Variants in MRGPRE observed in about 807,000 individuals in gnomAD.
MRGPRE encodes the protein MAS related GPR family member E.
For missense variants in MRGPRE, 466 were observed against 433.4 expected (o/e 1.08, Z -0.67); for synonymous variants, 229 against 206.7 (o/e 1.11, Z -0.92).
rs770107975 is a variant in MRGPRE at position 3,228,631 on chromosome 11, G to A, written c.169C>T (p.Pro57Ser). ...ACGTCCAGGAGGTAGATGGCGAAGGGGTTTCTGTAGACATTGGAGCTGAGC... is the reference window on the plus strand; with the variant it reads ...ACGTCCAGGAGGTAGATGGCGAAGGAGTTTCTGTAGACATTGGAGCTGAGC... ...WLLSSNVYRN[P>S]FAIYLLDVAC... The change falls in exon 2 of 2, where the codon CCC (proline) becomes TCC (serine). Residue 57 changes from proline to serine, a missense_variant. By Grantham distance (74) the Pro-to-Ser change is moderately conservative. Transcript: ENST00000389832. 6.2e-7 allele frequency: 1 copy of A among 1,614,150 alleles called. No homozygotes were observed. Among genetic ancestry groups the A allele is most frequent in the Non-Finnish European group, 8.5e-7 (1 of 1,180,018 alleles).
Position 3,231,483 on chromosome 11 carries a change from C to G in MRGPRE, c.-62+658G>C. ...CAGAGCTCTGTAGGAAGGGTCGCCA[C>G]AGTTGGGTTACAGGACTGTGGGGAG... On this transcript the variant is annotated intron_variant, in intron 1 of 1. Transcript: ENST00000389832. The surrounding 1 kb of genome is among the most constrained non-coding windows in gnomAD (Gnocchi z 4.7). 6.6e-6 allele frequency among the ~76,000 whole-genome samples: 1 copy of G among 151,456 alleles called. No individual in the cohort carries two copies.
chr11:3,228,565 C>A lies in MRGPRE; in HGVS notation c.235G>T (p.Ala79Ser). Residue 79 changes from alanine to serine, a missense_variant, in exon 2 of 2, where the codon GCC becomes TCC. Transcript: ENST00000389832. ...DLIFLGCHMV[A>S]IVPDLLQGRL... ...CCTTGCAGCAAGTCGGGGACGATGG[C>A]CACCATGTGGCAGCCAAGGAAGATG... 3 of 1,613,560 alleles carry A rather than the reference C, an allele frequency of 1.9e-6. No individual in the cohort carries two copies. The highest frequency in any genetic ancestry group is 1.7e-6 in the Non-Finnish European group (2 of 1,179,670).
chr11:3,228,216 G>A lies in MRGPRE; in HGVS notation c.584C>T (p.Ala195Val), dbSNP rs1284696566. 1.9e-5 allele frequency: 29 copies of A among 1,556,214 alleles called. No individual in the cohort carries two copies. The highest frequency in any genetic ancestry group is 2.4e-5 in the Non-Finnish European group (28 of 1,150,838). ...CACCCGCAGCAGCAGCATAAGGCTG[G>A]CCCCACACATGGTGCAACACAGCAG... ...LALLCCTMCG[A>V]SLMLLLRVER... Residue 195 changes from alanine (A) to valine (V), a missense_variant, in exon 2 of 2, where the codon GCC (alanine) becomes GTC (valine). Ala to Val is a moderately conservative substitution (Grantham distance 64, BLOSUM62 0). Coordinates refer to ENST00000389832, the MANE Select transcript of MRGPRE (RefSeq NM_001039165.4).
rs1222433397 is a variant in MRGPRE, at chr11:3,228,031, T to A, written c.769A>T (p.Met257Leu). The A allele has an allele frequency of 6.2e-7, 1 of 1,608,748 alleles. No individual in the cohort carries two copies. Among genetic ancestry groups the A allele is most frequent in the African/African-American group, 1.3e-5 (1 of 74,944 alleles). Reference sequence around the variant, plus strand: ...TTGGCCGCGCAGTGCACGGCGGCCATGAGGAAGCTGAAGTGGTAGAAGTAG... The same window carrying A: ...TTGGCCGCGCAGTGCACGGCGGCCAAGAGGAAGCTGAAGTGGTAGAAGTAG... The part of the protein sequence containing the change: ...PHYFYHFSFL[M>L]AAVHCAAKPV... The change falls in exon 2 of 2, where the codon ATG (methionine) becomes TTG (leucine). Residue 257 changes from methionine (M) to leucine (L), a missense_variant. Physicochemically the swap from Met to Leu is conservative, Grantham distance 15 (BLOSUM62 2). Coordinates refer to ENST00000389832, the MANE Select transcript of MRGPRE (RefSeq NM_001039165.4).
chr11:3,229,871 A>T lies in MRGPRE; in HGVS notation c.-61-1011T>A, dbSNP rs1264265933. Reference sequence around the variant, plus strand: ...CATGGGGAGAAGAGGGAGCTGTCTGATGATGGGGCTGGGAGGGGCCCTGAG... The same window carrying T: ...CATGGGGAGAAGAGGGAGCTGTCTGTTGATGGGGCTGGGAGGGGCCCTGAG... On this transcript the variant is annotated intron_variant, in intron 1 of 1. Coordinates refer to ENST00000389832, the MANE Select transcript of MRGPRE (RefSeq NM_001039165.4). This position sits in a 1 kb window ranked among gnomAD's most constrained non-coding sequence, Gnocchi z 4.4. Among the ~76,000 whole-genome samples the T allele has an allele frequency of 1.3e-5, 2 of 152,256 alleles. No homozygotes were observed. The highest frequency in any genetic ancestry group is 4.8e-5 in the African/African-American group (2 of 41,562).
In MRGPRE at chr11:3,225,655, G is replaced by A. The variant is rs1165186132; in HGVS notation, c.*2206C>T. ...CTGAGGGCTCAAGGACCACAGAACT[G>A]GAGGCCAAGCTGGCACATCTGGGGC... is the stretch of plus-strand genomic sequence containing the variant. On this transcript the variant is annotated 3_prime_UTR_variant, in exon 2 of 2. Coordinates refer to ENST00000389832, the MANE Select transcript of MRGPRE (RefSeq NM_001039165.4). Among the ~76,000 whole-genome samples, 4 of 152,210 alleles carry A rather than the reference G, an allele frequency of 2.6e-5. No individual in the cohort carries two copies. Among genetic ancestry groups the A allele is most frequent in the Non-Finnish European group, 5.9e-5 (4 of 68,034 alleles).
At position 3,228,351 on chromosome 11, in the gene MRGPRE, A is replaced by G. The variant is rs1171898946; in HGVS notation, c.449T>C (p.Leu150Pro). The G allele has an allele frequency of 6.3e-7, 1 of 1,574,960 alleles. No homozygotes were observed. The stretch of plus-strand genomic sequence containing the variant: ...GAGCAGCAGGTGCAGCAGCAGGCAG[A>G]GGGCCCAGGTGAGGGCGCACACACA... Reference protein sequence around the residue: ...TTCVCALTWALCLLLHLLLSG... With the variant: ...TTCVCALTWAPCLLLHLLLSG... The change falls in exon 2 of 2, where the codon CTC (leucine) becomes CCC (proline). Residue 150 changes from leucine to proline, a missense_variant. Physicochemically the swap from Leu to Pro is moderately conservative, Grantham distance 98 (BLOSUM62 -3). Coordinates refer to ENST00000389832, the MANE Select transcript of MRGPRE (RefSeq NM_001039165.4).
At position 3,227,246 on chromosome 11, in the gene MRGPRE, T is replaced by A. The variant is rs968544902; in HGVS notation, c.*615A>T. Among the ~76,000 whole-genome samples the A allele has an allele frequency of 2.3e-4, 35 of 152,140 alleles. No homozygotes were observed. The highest frequency in any genetic ancestry group is 3.7e-4 in the Non-Finnish European group (25 of 68,020). ...CCCATGGGGCCGGCTTTTCTGAAGC[T>A]CCGAGTGAGGGTTGCATCGTCCCGG... On this transcript the variant is annotated 3_prime_UTR_variant, in exon 2 of 2. Coordinates refer to ENST00000389832, the MANE Select transcript of MRGPRE (RefSeq NM_001039165.4).
Position 3,228,027 on chromosome 11 carries a change from G to T in MRGPRE, c.773C>A (p.Ala258Asp), listed in dbSNP as rs772050778. 6.2e-7 allele frequency: 1 copy of T among 1,608,642 alleles called. No individual in the cohort carries two copies. Among genetic ancestry groups the T allele is most frequent in the Non-Finnish European group, 8.5e-7 (1 of 1,177,810 alleles). Residue 258 changes from alanine to aspartate, a missense_variant, in exon 2 of 2, where the codon GCC becomes GAC. Physicochemically the swap from Ala to Asp is moderately radical, Grantham distance 126. Transcript: ENST00000389832. ...HYFYHFSFLM[A>D]AVHCAAKPVV... is the part of the protein sequence containing the mutation. ...GGGCTTGGCCGCGCAGTGCACGGCG[G>T]CCATGAGGAAGCTGAAGTGGTAGAA...
Position 3,229,340 on chromosome 11 carries a change from C to G in MRGPRE, c.-61-480G>C, listed in dbSNP as rs1210390599. Among the ~76,000 whole-genome samples, 6 of 150,334 alleles carry G rather than the reference C, an allele frequency of 4.0e-5. No individual in the cohort carries two copies. In the South Asian group the frequency reaches 1.0e-3, roughly 26 times the overall value. On this transcript the variant is annotated intron_variant, in intron 1 of 1. Coordinates refer to ENST00000389832, the MANE Select transcript of MRGPRE (RefSeq NM_001039165.4). The surrounding 1 kb of genome is among the most constrained non-coding windows in gnomAD (Gnocchi z 4.4). ...TCCCGGGTTCAAGTGATTCTCCTGTCTCAGCCTCCCGAAGAGCTGGGATTA... is the reference window on the plus strand; with the variant it reads ...TCCCGGGTTCAAGTGATTCTCCTGTGTCAGCCTCCCGAAGAGCTGGGATTA...
In MRGPRE at chr11:3,231,249, C is replaced by T. The variant is rs137925122; in HGVS notation, c.-62+892G>A. Among the ~76,000 whole-genome samples the T allele has an allele frequency of 2.6e-3, 396 of 151,700 alleles. 1 individual carries two copies. Among genetic ancestry groups the T allele is most frequent in the Middle Eastern group, 6.8e-3 (2 of 294 alleles). The stretch of plus-strand genomic sequence containing the variant: ...CCAGGGAGAGAGCATGGCAGGGAAG[C>T]GATGGACATAGAGGGAGAGGGGAGA... On this transcript the variant is annotated intron_variant, in intron 1 of 1. Coordinates refer to ENST00000389832, the MANE Select transcript of MRGPRE (RefSeq NM_001039165.4). This position sits in a 1 kb window ranked among gnomAD's most constrained non-coding sequence, Gnocchi z 4.7.
Position 3,228,739 on chromosome 11 carries a change from C to T in MRGPRE, c.61G>A (p.Val21Met), listed in dbSNP as rs1161924631. 44 of 1,613,564 alleles carry T rather than the reference C, an allele frequency of 2.7e-5. No homozygotes were observed. Among genetic ancestry groups the T allele is most frequent in the Non-Finnish European group, 3.6e-5 (42 of 1,179,898 alleles). Residue 21 changes from valine to methionine, a missense_variant, in exon 2 of 2, where the codon GTG becomes ATG. Val to Met is a conservative substitution (Grantham distance 21). Transcript: ENST00000389832. ...GACAGGATGATGAGGTTGAAGGCCACATCCTCCTGGGCGCCGTTGGCGGCC... is the reference window on the plus strand; with the variant it reads ...GACAGGATGATGAGGTTGAAGGCCATATCCTCCTGGGCGCCGTTGGCGGCC... ...VGAANGAQED[V>M]AFNLIILSLT...
chr11:3,227,869 C>G lies in MRGPRE; in HGVS notation c.931G>C (p.Ala311Pro). Residue 311 changes from alanine (A) to proline (P), a missense_variant, in exon 2 of 2, where the codon GCA becomes CCA. Transcript: ENST00000389832. ...ETSRRGLVDI[A>P]A ...GTCGGGGGCCCCAGGGCTCAGGCTG[C>G]TATGTCCACCAGGCCCCGGCGGGAG... 6.9e-7 allele frequency: 1 copy of G among 1,449,220 alleles called. No homozygotes were observed. 89.8% of individuals were successfully genotyped at this position (1,449,220 alleles called of 1,614,324 possible).
chr11:3,230,440 G>C lies in MRGPRE; in HGVS notation c.-61-1580C>G, dbSNP rs956016563. 2.0e-5 allele frequency among the ~76,000 whole-genome samples: 3 copies of C among 152,216 alleles called. No homozygotes were observed. Among genetic ancestry groups the C allele is most frequent in the Admixed American group, 1.3e-4 (2 of 15,284 alleles). On this transcript the variant is annotated intron_variant, in intron 1 of 1. Transcript: ENST00000389832. The surrounding 1 kb of genome is among the most constrained non-coding windows in gnomAD (Gnocchi z 5.5). Reference sequence around the variant, plus strand: ...TCCCTCCAGTGATAGGAGCACCCGAGACCATGCAGGGGGACGCTGCGGTGC... The same window carrying C: ...TCCCTCCAGTGATAGGAGCACCCGACACCATGCAGGGGGACGCTGCGGTGC...
chr11:3,231,217 G>T lies in MRGPRE; in HGVS notation c.-62+924C>A, dbSNP rs921574577. ...GCTGAGGAGGACACGGGCCTCATGGGTGGGCCCCAGGGAGAGAGCATGGCA... is the reference window on the plus strand; with the variant it reads ...GCTGAGGAGGACACGGGCCTCATGGTTGGGCCCCAGGGAGAGAGCATGGCA... On this transcript the variant is annotated intron_variant, in intron 1 of 1. Transcript: ENST00000389832. This position sits in a 1 kb window ranked among gnomAD's most constrained non-coding sequence, Gnocchi z 4.7. Among the ~76,000 whole-genome samples, 2 of 152,168 alleles carry T rather than the reference G, an allele frequency of 1.3e-5. No homozygotes were observed. Among genetic ancestry groups the T allele is most frequent in the African/African-American group, 4.8e-5 (2 of 41,446 alleles).
Position 3,230,070 on chromosome 11 carries a change from T to C in MRGPRE, c.-61-1210A>G, listed in dbSNP as rs1214818869. 6.6e-6 allele frequency among the ~76,000 whole-genome samples: 1 copy of C among 152,130 alleles called. No individual in the cohort carries two copies. Among genetic ancestry groups the C allele is most frequent in the East Asian group, 1.9e-4 (1 of 5,194 alleles). On this transcript the variant is annotated intron_variant, in intron 1 of 1. Coordinates refer to ENST00000389832, the MANE Select transcript of MRGPRE (RefSeq NM_001039165.4). The surrounding 1 kb of genome is among the most constrained non-coding windows in gnomAD (Gnocchi z 5.5). ...CAGAAATACAGCAAGTAATAGACTC[T>C]AGGAGACTGCCAGGTGCTCAGAGCC...
Position 3,228,318 on chromosome 11 carries a change from G to A in MRGPRE, c.482C>T (p.Ala161Val), listed in dbSNP as rs765754766. 1 of 1,557,026 alleles carries A rather than the reference G, an allele frequency of 6.4e-7. No individual in the cohort carries two copies. Among genetic ancestry groups the A allele is most frequent in the Non-Finnish European group, 8.7e-7 (1 of 1,153,934 alleles). Reference sequence around the variant, plus strand: ...GGGCTCCCCGAAGAACTGGGTGCAGGCGCCGCTGAGCAGCAGGTGCAGCAG... The same window carrying A: ...GGGCTCCCCGAAGAACTGGGTGCAGACGCCGCTGAGCAGCAGGTGCAGCAG... Reference protein sequence around the residue: ...CLLLHLLLSGACTQFFGEPSR... With the variant: ...CLLLHLLLSGVCTQFFGEPSR... The change falls in exon 2 of 2, where the codon GCC becomes GTC. Residue 161 changes from alanine to valine, a missense_variant. Ala to Val is a moderately conservative substitution (Grantham distance 64). Transcript: ENST00000389832.
rs1393526313 is a variant in MRGPRE, at chr11:3,230,675, C to T, written c.-62+1466G>A. ...CTCAGTGGAGAGGAGGCCCCAGTCC[C>T]AGCACCTCAGGAAGCTGAGTCCTGC... On this transcript the variant is annotated intron_variant, in intron 1 of 1. Coordinates refer to ENST00000389832, the MANE Select transcript of MRGPRE (RefSeq NM_001039165.4). This position sits in a 1 kb window ranked among gnomAD's most constrained non-coding sequence, Gnocchi z 5.5. Among the ~76,000 whole-genome samples, 1 of 152,138 alleles carries T rather than the reference C, an allele frequency of 6.6e-6. No homozygotes were observed. The highest frequency in any genetic ancestry group is 1.9e-4 in the East Asian group (1 of 5,170).
Position 3,230,504 on chromosome 11 carries a change from G to A in MRGPRE, c.-62+1637C>T, listed in dbSNP as rs907941303. Among the ~76,000 whole-genome samples the A allele has an allele frequency of 3.9e-5, 6 of 152,126 alleles. No homozygotes were observed. The highest frequency in any genetic ancestry group is 2.1e-4 in the South Asian group (1 of 4,826). ...AGAGGTGGCCCGGGGCGGGGCTATC[G>A]CTGAGCACAGAGGTGCCAGCCACCC... On this transcript the variant is annotated intron_variant, in intron 1 of 1. Coordinates refer to ENST00000389832, the MANE Select transcript of MRGPRE (RefSeq NM_001039165.4). The surrounding 1 kb of genome is among the most constrained non-coding windows in gnomAD (Gnocchi z 5.5).
Sources: gnomAD v4.1 joint callset for allele counts (sites outside exome capture counted in the v4.1 genomes callset) on GRCh38, gnomAD v4.1.1 for gene constraint, Gnocchi (gnomAD v3.1) non-coding constraint, MANE v1.5 for transcripts, NCBI Gene and HGNC (gene_info 2026-07-23, HGNC 2026-07-21) for gene names.